SCD5: variants seen among roughly 807,000 people sequenced by gnomAD.
SCD5 encodes the protein stearoyl-CoA desaturase 5, also known as acyl-CoA-desaturase 4.
In SCD5, 20 loss-of-function variants were observed where a neutral mutation model predicts 30.4. The ratio of observed to expected loss-of-function variants is 0.66; its 90% CI spans 0.46 to 0.96. SCD5 has a LOEUF of 0.96. SCD5 is among the 40% of genes least tolerant of loss of function. SCD5 has a pLI of 0.00. For missense variants in SCD5, 381 were observed against 443.3 expected (o/e 0.86, Z 1.26); for synonymous variants, 173 against 176.4 (o/e 0.98, Z 0.16).
At chr4:82,676,016 T>C (rs138466420) in intron 3 of SCD5, among the ~76,000 whole-genome samples, 97 of 152,334 alleles carry the variant, frequency 6.4e-4, no homozygotes, top group African/African-American at 2.3e-3. Flanking sequence ...GGTACAGATA[T>C]GGTCAATGAG....
intron 3 of SCD5, among the ~76,000 whole-genome samples, chr4:82,663,333 C>T (rs371550848): frequency 2.6e-5 from 4 of 152,294 alleles, no homozygotes; most frequent in East Asian, 1.9e-4. Context: ...CCTCAAGCCT[C>T]GGACACAAAA....
intron 1 of SCD5, among the ~76,000 whole-genome samples, chr4:82,706,329 A>G (rs1719968246): frequency 6.6e-6 from 1 of 152,374 alleles, no homozygotes; most frequent in African/African-American, 2.4e-5. Flanking sequence ...CATGAAAAAC[A>G]TTGGCTAAAA....
intron 1 of SCD5, among the ~76,000 whole-genome samples, chr4:82,762,938 C>G (rs1672760732): frequency 6.6e-6 from 1 of 152,206 alleles, no homozygotes; most frequent in South Asian, 2.1e-4. Context: ...CACAACTCTC[C>G]TGAGCGGTGG....
intron 1 of SCD5, among the ~76,000 whole-genome samples, chr4:82,746,683 T>C (rs1028310150): frequency 2.0e-5 from 3 of 152,022 alleles, no homozygotes; most frequent in African/African-American, 7.3e-5. Context: ...TTGAAGACAT[T>C]TGAAGAAGAC....
intron 1 of SCD5, among the ~76,000 whole-genome samples, chr4:82,761,096 T>C (rs1238739974): frequency 6.6e-6 from 1 of 152,216 alleles, no homozygotes; most frequent in Non-Finnish European, 1.5e-5. Context: ...CAATGCTAGG[T>C]ACTCTATAAA....
chr4:82,723,815 T>C (rs1281165237), intron 1 of SCD5, among the ~76,000 whole-genome samples: 2 of 152,078 alleles, frequency 1.3e-5, no homozygotes, highest in Non-Finnish European at 2.9e-5. Context: ...ATGTCAAGGG[T>C]GAGGGTCTGT....
chr4:82,757,017 C>T (rs1721248272), intron 1 of SCD5, among the ~76,000 whole-genome samples: 1 of 152,112 alleles, frequency 6.6e-6, no homozygotes, highest in African/African-American at 2.4e-5. Context: ...AGGCGTGAGC[C>T]ACTACATGTG....
intron 2 of SCD5, among the ~76,000 whole-genome samples, chr4:82,688,583 G>C (rs1311084073): frequency 6.6e-6 from 1 of 152,188 alleles, no homozygotes; most frequent in Non-Finnish European, 1.5e-5. Flanking sequence ...TAATCTGTAA[G>C]AATATCCCAG....
chr4:82,721,901 A>T (rs1720376994), intron 1 of SCD5, among the ~76,000 whole-genome samples: 1 of 152,254 alleles, frequency 6.6e-6, no homozygotes, highest in Non-Finnish European at 1.5e-5. Context: ...GCAAAGGGGA[A>T]AATAGAATCT....
chr4:82,753,458 G>T (rs1295157748), intron 1 of SCD5: 1 of 503,452 alleles, frequency 2.0e-6, no homozygotes, highest in South Asian at 1.5e-5. Flanking sequence ...GCGCCCCAGA[G>T]TCACGCGGGT....
At chr4:82,727,250 T>C (rs550551514) in intron 1 of SCD5, among the ~76,000 whole-genome samples, 35 of 152,340 alleles carry the variant, frequency 2.3e-4, no homozygotes, top group African/African-American at 7.7e-4. Context: ...CCTGTACAAC[T>C]GCACCACCTG....
chr4:82,639,696 G>C (rs911915831), intron 3 of SCD5, among the ~76,000 whole-genome samples: 5 of 152,198 alleles, frequency 3.3e-5, no homozygotes, highest in Admixed American at 6.5e-5. Context: ...ACTATGGAGG[G>C]AACATGGAAG....
intron 3 of SCD5, among the ~76,000 whole-genome samples, chr4:82,642,980 G>T (rs1375931140): frequency 6.6e-6 from 1 of 152,116 alleles, no homozygotes; most frequent in African/African-American, 2.4e-5. Flanking sequence ...CAGGGCCCTG[G>T]TCCTGATTGG....
chr4:82,797,437 G>A (rs1003061635), intron 1 of SCD5, among the ~76,000 whole-genome samples: 8 of 152,144 alleles, frequency 5.3e-5, no homozygotes, highest in Non-Finnish European at 1.0e-4. Context: ...GACTGGGGTC[G>A]TGTAGGGTGG....
chr4:82,700,665 T>C (rs571316006), intron 2 of SCD5, among the ~76,000 whole-genome samples: 2 of 152,038 alleles, frequency 1.3e-5, no homozygotes, highest in South Asian at 4.2e-4. Flanking sequence ...TATGTGCCTA[T>C]AGTCCTAGCT....
At chr4:82,770,212 G>A (rs895940576) in intron 1 of SCD5, among the ~76,000 whole-genome samples, 2 of 152,140 alleles carry the variant, frequency 1.3e-5, no homozygotes, top group African/African-American at 4.8e-5. Flanking sequence ...AGGCCCCGGT[G>A]TGTGATGTTC....
At chr4:82,694,570 C>T (rs1051074540) in intron 2 of SCD5, among the ~76,000 whole-genome samples, 2 of 151,840 alleles carry the variant, frequency 1.3e-5, no homozygotes, top group African/African-American at 2.4e-5. Context: ...GTGGTAATTG[C>T]CTCCAAATTA....
intron 3 of SCD5, among the ~76,000 whole-genome samples, chr4:82,673,955 G>A (rs550399619): frequency 3.9e-5 from 6 of 152,138 alleles, no homozygotes; most frequent in South Asian, 2.1e-4. Context: ...ATTTGCATGC[G>A]AAAAAATGAA....
At chr4:82,700,622 G>C (rs1176356887) in intron 2 of SCD5, among the ~76,000 whole-genome samples, 2 of 151,672 alleles carry the variant, frequency 1.3e-5, no homozygotes, top group Non-Finnish European at 2.9e-5. Flanking sequence ...AAATGAAGTA[G>C]AAATAAGGAC....
Sources: allele counts gnomAD v4.1 joint callset (sites outside exome capture counted in the v4.1 genomes callset), GRCh38; gene constraint gnomAD v4.1.1; transcripts MANE v1.5; gene names NCBI Gene and HGNC (gene_info 2026-07-23, HGNC 2026-07-21).